Variants in OLR1 observed in about 807,000 individuals in gnomAD.
OLR1 encodes the protein oxidized low density lipoprotein receptor 1, also known as oxidized low-density lipoprotein receptor 1.
OLR1 carries 23 observed loss-of-function variants against 31.7 expected under a neutral mutation model. That is an observed-to-expected ratio of 0.72 (90% CI 0.52 to 1.03). OLR1 has a LOEUF of 1.03. Ranked by LOEUF, OLR1 falls within the 50% of genes least tolerant of loss-of-function variation. The probability of loss-of-function intolerance (pLI) is 0.00; values close to 1 mark genes in which losing one functional copy is unlikely to be tolerated. For missense variants in OLR1, 286 were observed against 315.7 expected, an observed-to-expected ratio of 0.91 and a Z score of 0.71; for synonymous variants, 117 against 115.8, an observed-to-expected ratio of 1.01 and a Z score of -0.07.
rs1298255489 is a variant in OLR1 at position 10,159,295 on chromosome 12, G to C, written c.*585C>G. The C allele has an allele frequency of 8.2e-6, 1 of 122,564 alleles. No individual in the cohort carries two copies. The highest frequency in any genetic ancestry group is 2.6e-5 in the African/African-American group (1 of 39,202). 7.6% of individuals were successfully genotyped at this position (122,564 alleles called of 1,614,324 possible). ...TCCCCACTTGTCCCAAAATGTGTGTGTGTGTGTGTGTGTGTGTCTGTCTGT... is the reference window on the plus strand; with the variant it reads ...TCCCCACTTGTCCCAAAATGTGTGTCTGTGTGTGTGTGTGTGTCTGTCTGT... On this transcript the variant is annotated 3_prime_UTR_variant, in exon 6 of 6. Transcript: ENST00000309539.
At chr12:10,174,905 G>A (rs1948754651), upstream of OLR1, among the ~76,000 whole-genome samples, 1 of 152,330 alleles carries the variant, frequency 6.6e-6, no homozygotes, top group East Asian at 1.9e-4. Context: ...GGTAGCATGT[G>A]TCAGAATTTT....
At chr12:10,175,499 T>G (rs1948759133), upstream of OLR1, 1 of 152,218 alleles carries the variant, frequency 6.6e-6, no homozygotes, top group South Asian at 2.1e-4. Context: ...ATAATAAAAG[T>G]ACATTGTTTT....
intron 2 of OLR1, among the ~76,000 whole-genome samples, chr12:10,167,895 A>G (rs1164984254): frequency 6.6e-6 from 1 of 152,176 alleles, no homozygotes; most frequent in African/African-American, 2.4e-5. Context: ...TGATGGTGCA[A>G]TACAAAGCAG....
rs768733049 is a variant in OLR1 at position 10,161,131 on chromosome 12, C to T, written c.425-206G>A. Among the ~76,000 whole-genome samples, 7 of 152,218 alleles carry T rather than the reference C, an allele frequency of 4.6e-5. 1 individual carries two copies. In the Middle Eastern group the frequency reaches 0.01, roughly 222 times the overall value. The stretch of plus-strand genomic sequence containing the variant: ...GTGGGACTATAGTCGTGAGACACCG[C>T]GCCCTGCCCACACTACTTCTTAAGT... On this transcript the variant is annotated intron_variant, in intron 3 of 5. Coordinates refer to ENST00000309539, the MANE Select transcript of OLR1 (RefSeq NM_002543.4).
Position 10,160,885 on chromosome 12 carries a change from ACAG to A in OLR1, c.462_464del (p.Cys155del). 6.2e-7 allele frequency: 1 copy of A among 1,614,174 alleles called. No homozygotes were observed. Among genetic ancestry groups the A allele is most frequent in the Non-Finnish European group, 8.5e-7 (1 of 1,180,014 alleles). ...TAAATGAGCCCGAGGAAAATAGGTAACAGTTTTCTCCATGCCAGATCCAGTCTT... is the reference window on the plus strand; with the variant it reads ...TAAATGAGCCCGAGGAAAATAGGTAATTTTCTCCATGCCAGATCCAGTCTT... On this transcript the variant is annotated inframe_deletion, in exon 4 of 6. Transcript: ENST00000309539.
At chr12:10,160,044 C>A in intron 5 of OLR1, 23 bp from the exon 6 acceptor site, 2 of 1,580,786 alleles carry the variant, frequency 1.3e-6, no homozygotes, top group Admixed American at 1.9e-5. Context: ...AAAAACAAAA[C>A]AAACCAACAA....
chr12:10,161,894 C>A (rs1948622739), intron 3 of OLR1, among the ~76,000 whole-genome samples: 1 of 146,954 alleles, frequency 6.8e-6, no homozygotes, highest in Non-Finnish European at 1.5e-5. Context: ...GCTTCTTTTT[C>A]ATTTTTATGT....
chr12:10,160,503 G>T, intron 4 of OLR1, 41 bp from the exon 5 acceptor site: 1 of 1,482,432 alleles, frequency 6.7e-7, no homozygotes, highest in Non-Finnish European at 9.4e-7. Context: ...AATCCACATG[G>T]TGGTTTTAGA....
chr12:10,166,285 T>C (rs1565421330), intron 3 of OLR1, among the ~76,000 whole-genome samples: 1 of 152,090 alleles, frequency 6.6e-6, no homozygotes, highest in Non-Finnish European at 1.5e-5. Flanking sequence ...CCTAGCACTT[T>C]GGGAGGCCAA....
chr12:10,173,550 G>T (rs573229186), upstream of OLR1, among the ~76,000 whole-genome samples: 91 of 146,906 alleles, frequency 6.2e-4, no homozygotes, highest in South Asian at 6.3e-3. Context: ...GAAGCTGAGG[G>T]GGGGGGTGGA....
chr12:10,175,314 G>A (rs894594855), upstream of OLR1: 3 of 152,112 alleles, frequency 2.0e-5, no homozygotes, highest in African/African-American at 7.2e-5. Flanking sequence ...GGATCCTGCA[G>A]CCATAGAGAA....
intron 3 of OLR1, among the ~76,000 whole-genome samples, chr12:10,162,133 T>A (rs1948626034): frequency 6.6e-6 from 1 of 152,122 alleles, no homozygotes; most frequent in African/African-American, 2.4e-5. Flanking sequence ...AATGTCTACA[T>A]GTTTATGGAT....
intron 3 of OLR1, among the ~76,000 whole-genome samples, chr12:10,162,385 T>G (rs1047449307): frequency 6.6e-6 from 1 of 152,068 alleles, no homozygotes; most frequent in Non-Finnish European, 1.5e-5. Flanking sequence ...CAGAAAAAAG[T>G]GAATGAGAAA....
intron 3 of OLR1, among the ~76,000 whole-genome samples, 194 bp downstream of exon 3, chr12:10,166,518 A>G (rs1565421396): frequency 6.6e-6 from 1 of 150,898 alleles, no homozygotes; most frequent in Admixed American, 6.6e-5. Context: ...AAAGAGCGAA[A>G]CTCCATCTAA....
At chr12:10,169,921 A>G (rs1400302761) in intron 1 of OLR1, among the ~76,000 whole-genome samples, 1 of 101,644 alleles carries the variant, frequency 9.8e-6, no homozygotes, top group Non-Finnish European at 1.9e-5. Flanking sequence ...GTGTTCCACC[A>G]CTAAAAAAAA....
intron 3 of OLR1, among the ~76,000 whole-genome samples, chr12:10,163,682 T>C (rs769701774): frequency 3.9e-5 from 6 of 152,048 alleles, no homozygotes; most frequent in Non-Finnish European, 8.8e-5. Context: ...CCTGTAATCC[T>C]AGCACTTTAG....
chr12:10,170,357 G>A (rs1472252153), intron 1 of OLR1: 2 of 152,200 alleles, frequency 1.3e-5, no homozygotes, highest in Non-Finnish European at 2.9e-5. Flanking sequence ...CAGAGAAGTT[G>A]TAGAAGATAG....
intron 1 of OLR1, among the ~76,000 whole-genome samples, chr12:10,171,588 G>A (rs1378612218): frequency 1.3e-5 from 2 of 152,178 alleles, no homozygotes; most frequent in African/African-American, 2.4e-5. Context: ...GCCCTCCGAT[G>A]TATAGAATTC....
intron 3 of OLR1, among the ~76,000 whole-genome samples, chr12:10,163,932 A>G (rs78404537): frequency 6.7e-6 from 1 of 149,318 alleles, no homozygotes; most frequent in Non-Finnish European, 1.5e-5. Flanking sequence ...CTCCGTCTCA[A>G]AAAAAAAAAA....
Sources: allele counts gnomAD v4.1 joint callset (sites outside exome capture counted in the v4.1 genomes callset), GRCh38; gene constraint gnomAD v4.1.1; transcripts MANE v1.5; gene names NCBI Gene and HGNC (gene_info 2026-07-23, HGNC 2026-07-21).